Variants in USP43 observed in about 807,000 individuals in gnomAD.
USP43 encodes ubiquitin carboxyl-terminal hydrolase 43.
In USP43, 33 loss-of-function variants were observed where a neutral mutation model predicts 90.7. That is an observed-to-expected ratio of 0.36 (90% confidence interval 0.28 to 0.49). The LOEUF is 0.49. Ranked by LOEUF, USP43 falls within the 20% of genes least tolerant of loss-of-function variation. The probability of loss-of-function intolerance (pLI) is 0.98; values close to 1 mark genes in which losing one functional copy is unlikely to be tolerated. For missense variants in USP43, 1,274 were observed against 1,476.4 expected (o/e 0.86, Z 2.25); for synonymous variants, 598 against 615.8 (o/e 0.97, Z 0.43).
intron 12 of USP43, among the ~76,000 whole-genome samples, chr17:9,704,428 G>C (rs1212211249): frequency 6.6e-6 from 1 of 152,076 alleles, no homozygotes. Context: ...CCAGCCTCCT[G>C]AGTACTTGGG....
intron 13 of USP43, 143 bp from the exon 14 acceptor site, chr17:9,711,825 C>T (rs379223): frequency 0.25 from 225,713 of 886,128 alleles, 32,738 homozygotes; most frequent in African/African-American, 0.56. Context: ...TCCTTGTTGA[C>T]AGGTTTCTGC....
At chr17:9,712,705 G>A (rs1164724896) in intron 14 of USP43, among the ~76,000 whole-genome samples, 1 of 152,190 alleles carries the variant, frequency 6.6e-6, no homozygotes, top group East Asian at 1.9e-4. Context: ...CAGGGGCCAT[G>A]TTAGAACCTA....
intron 7 of USP43, among the ~76,000 whole-genome samples, chr17:9,683,861 G>A (rs1006763369): frequency 1.3e-5 from 2 of 152,140 alleles, no homozygotes; most frequent in African/African-American, 4.8e-5. Flanking sequence ...GACTAGAGAG[G>A]TAACTAGAGA....
chr17:9,677,601 C>T (rs759727024), intron 5 of USP43, among the ~76,000 whole-genome samples: 3 of 152,146 alleles, frequency 2.0e-5, no homozygotes, highest in Non-Finnish European at 4.4e-5. Context: ...GCCGTGGTGG[C>T]GCCAAGCCAC....
At chr17:9,714,007 C>T (rs1483555713) in intron 14 of USP43, among the ~76,000 whole-genome samples, 2 of 152,142 alleles carry the variant, frequency 1.3e-5, no homozygotes, top group South Asian at 2.1e-4. Context: ...CACCTCAGAT[C>T]ATCAGGCATG....
rs1029981331 is a variant in USP43 at position 9,695,862 on chromosome 17, G to A, written c.1457+2632G>A. 3.3e-5 allele frequency among the ~76,000 whole-genome samples: 5 copies of A among 152,138 alleles called. No individual in the cohort carries two copies. In the South Asian group the frequency reaches 8.3e-4, roughly 25 times the overall value. On this transcript the variant is annotated intron_variant, in intron 9 of 14. Coordinates refer to ENST00000285199, the MANE Select transcript of USP43 (RefSeq NM_153210.5). ...CAACTGTAGATGCCTCAGGTAACAGGAATCATAGTGTTTATCCTTTTGTGT... is the reference window on the plus strand; with the variant it reads ...CAACTGTAGATGCCTCAGGTAACAGAAATCATAGTGTTTATCCTTTTGTGT...
At chr17:9,675,334 A>C (rs1448259099) in intron 4 of USP43, among the ~76,000 whole-genome samples, 3 of 152,130 alleles carry the variant, frequency 2.0e-5, no homozygotes, top group Non-Finnish European at 2.9e-5. Flanking sequence ...GCTTTACTTC[A>C]ACTTCAAAAA....
Position 9,691,598 on chromosome 17 carries a change from A to G in USP43, c.1354-1529A>G, listed in dbSNP as rs1914958876. Among the ~76,000 whole-genome samples the G allele has an allele frequency of 2.6e-5, 4 of 152,278 alleles. No individual in the cohort carries two copies. In the South Asian group the frequency reaches 8.3e-4, roughly 32 times the overall value. On this transcript the variant is annotated intron_variant, in intron 8 of 14. Transcript: ENST00000285199. ...TGCGACTCTTAGATATACACCTAAG[A>G]GAATTAAAGGTTATATGGTAGTTCA...
At chr17:9,727,478 G>A (rs1292038293) in intron 14 of USP43, among the ~76,000 whole-genome samples, 1 of 151,814 alleles carries the variant, frequency 6.6e-6, no homozygotes, top group African/African-American at 2.4e-5. Context: ...AGTAATTGTG[G>A]TTTTCACCAT....
intron 1 of USP43, among the ~76,000 whole-genome samples, chr17:9,648,716 G>A (rs188179843): frequency 2.0e-4 from 30 of 152,266 alleles, no homozygotes; most frequent in African/African-American, 6.7e-4. Flanking sequence ...AGGGAAGGAG[G>A]TGGGGCCGAG....
chr17:9,709,771 A>T lies in USP43; in HGVS notation c.2012-185A>T, dbSNP rs1916081524. ...AAATAATAACAGCACTTGTTATAGT[A>T]AGAATCCGAGGGTATAACTTACTGA... On this transcript the variant is annotated intron_variant, in intron 12 of 14. Transcript: ENST00000285199. This position sits in a 1 kb window ranked among gnomAD's most constrained non-coding sequence, Gnocchi z 5.0. 6.6e-6 allele frequency among the ~76,000 whole-genome samples: 1 copy of T among 152,206 alleles called. No homozygotes were observed. Among genetic ancestry groups the T allele is most frequent in the Admixed American group, 6.5e-5 (1 of 15,272 alleles).
At chr17:9,718,083 A>G (rs1017410794) in intron 14 of USP43, among the ~76,000 whole-genome samples, 1 of 152,110 alleles carries the variant, frequency 6.6e-6, no homozygotes, top group African/African-American at 2.4e-5. Context: ...GGTGTGAGCC[A>G]CCGCGCCCAG....
At chr17:9,691,410 G>A (rs942665430) in intron 8 of USP43, among the ~76,000 whole-genome samples, 2 of 152,066 alleles carry the variant, frequency 1.3e-5, no homozygotes, top group Admixed American at 6.6e-5. Context: ...GAGCCACCGC[G>A]CTGGGCTGCC....
chr17:9,724,541 G>C (rs576718803), intron 14 of USP43, among the ~76,000 whole-genome samples: 37 of 152,224 alleles, frequency 2.4e-4, no homozygotes, highest in African/African-American at 8.4e-4. Context: ...TTAGCCGGGC[G>C]TGGTGGTGGA....
In USP43 at chr17:9,728,800, G is replaced by T; in HGVS notation, c.3182G>T (p.Arg1061Met). 6.2e-7 allele frequency: 1 copy of T among 1,612,084 alleles called. No homozygotes were observed. The highest frequency in any genetic ancestry group is 8.5e-7 in the Non-Finnish European group (1 of 1,178,992). ...LARGLGSRLERDVWSAPSSLR... is the reference protein window; with the variant it reads ...LARGLGSRLEMDVWSAPSSLR... ...AGGGGCCTGGGCAGCCGGCTCGAGAGGGATGTCTGGTCAGCCCCCAGCTCT... is the reference window on the plus strand; with the variant it reads ...AGGGGCCTGGGCAGCCGGCTCGAGATGGATGTCTGGTCAGCCCCCAGCTCT... The change falls in exon 15 of 15, where the codon AGG becomes ATG. Residue 1061 changes from arginine (R) to methionine (M), a missense_variant. By Grantham distance (91) the Arg-to-Met change is moderately conservative. Transcript: ENST00000285199. This position sits in a 1 kb window ranked among gnomAD's most constrained non-coding sequence, Gnocchi z 6.2.
Position 9,680,214 on chromosome 17 carries a change from G to C in USP43, c.970-17G>C, listed in dbSNP as rs369676163. 3.1e-6 allele frequency: 5 copies of C among 1,609,158 alleles called. No individual in the cohort carries two copies. In the African/African-American group the frequency reaches 6.7e-5, roughly 22 times the overall value. On this transcript the variant is annotated splice_polypyrimidine_tract_variant and intron_variant, in intron 5 of 14. Coordinates refer to ENST00000285199, the MANE Select transcript of USP43 (RefSeq NM_153210.5). ...TCTTTCAGAAATCAAGAGGGAAAAT[G>C]ATCTTTCTCATTTCAGGTGATCTTG...
rs565287311 is a variant in USP43, at chr17:9,662,903, C to T, written c.637-3745C>T. 3.3e-5 allele frequency among the ~76,000 whole-genome samples: 5 copies of T among 150,750 alleles called. No homozygotes were observed. The South Asian group carries it at 6.3e-4, about 19-fold the overall frequency. On this transcript the variant is annotated intron_variant, in intron 2 of 14. Coordinates refer to ENST00000285199, the MANE Select transcript of USP43 (RefSeq NM_153210.5). ...TGCGATCTCAGCTCACTGCAACCTC[C>T]GCCTCCTGGGCTCAAGCAATTCTCC...
intron 12 of USP43, among the ~76,000 whole-genome samples, chr17:9,702,795 G>A (rs916256630): frequency 1.3e-5 from 2 of 152,208 alleles, no homozygotes; most frequent in African/African-American, 2.4e-5. Context: ...AGTCCAGGGG[G>A]TTTAGGGCAT....
Position 9,648,938 on chromosome 17 carries a change from CCTCTCTCT to C in USP43, c.504+2816_504+2823del, listed in dbSNP as rs112759856. Among the ~76,000 whole-genome samples, 376 of 129,884 alleles carry C rather than the reference CCTCTCTCT, an allele frequency of 2.9e-3. 3 individuals carry two copies. The highest frequency in any genetic ancestry group is 0.012 in the Middle Eastern group (3 of 260). 85.2% of individuals were successfully genotyped at this position (129,884 alleles called of 152,430 possible). On this transcript the variant is annotated intron_variant, in intron 1 of 14. Transcript: ENST00000285199. ...CTCTCCCACTCTTTCTGTCTCTCTC[CCTCTCTCT>C]CTCTCTCTCTCTCCCTCCCTCCCTT...
Sources: allele counts gnomAD v4.1 joint callset (sites outside exome capture counted in the v4.1 genomes callset), GRCh38; gene constraint gnomAD v4.1.1; non-coding constraint Gnocchi (gnomAD v3.1); transcripts MANE v1.5; gene names NCBI Gene and HGNC (gene_info 2026-07-23, HGNC 2026-07-21).